PDE4D: variants seen among roughly 807,000 people sequenced by gnomAD.
PDE4D encodes the protein 3',5'-cyclic-AMP phosphodiesterase 4D.
In PDE4D, 24 loss-of-function variants were observed where a neutral mutation model predicts 87.4. The ratio of observed to expected loss-of-function variants is 0.27; its 90% CI spans 0.20 to 0.39. The LOEUF is 0.39. Among genes scored for constraint, PDE4D ranks in the 10% least tolerant of loss-of-function variants. PDE4D has a pLI of 1.00. For synonymous variants in PDE4D, 384 were observed against 383.2 expected, an observed-to-expected ratio of 1.00 and a Z score of -0.02; for missense variants, 714 against 1,041.0, an observed-to-expected ratio of 0.69 and a Z score of 4.32.
At chr5:59,204,241 C>T (rs898420305) in intron 2 of PDE4D, among the ~76,000 whole-genome samples, 2 of 150,356 alleles carry the variant, frequency 1.3e-5, no homozygotes, top group African/African-American at 4.9e-5. Context: ...ATTTTTGGCT[C>T]ATGTGTGCTC....
At chr5:59,923,291 T>C (rs1243560954) in intron 3 of PDE4D, among the ~76,000 whole-genome samples, 1 of 152,236 alleles carries the variant, frequency 6.6e-6, no homozygotes, top group African/African-American at 2.4e-5. Flanking sequence ...CTTGATGTCC[T>C]GAAGGGACAG....
intron 5 of PDE4D, among the ~76,000 whole-genome samples, chr5:59,168,296 T>C (rs1030290928): frequency 6.6e-6 from 1 of 152,174 alleles, no homozygotes; most frequent in Non-Finnish European, 1.5e-5. Flanking sequence ...TTTCAGGCCT[T>C]CGTGGTAAGT....
intron 1 of PDE4D, among the ~76,000 whole-genome samples, chr5:59,424,455 T>C (rs1428462253): frequency 6.6e-6 from 1 of 152,114 alleles, no homozygotes; most frequent in Non-Finnish European, 1.5e-5. Flanking sequence ...GTAATTTATA[T>C]AGAAAGGATG....
intron 1 of PDE4D, among the ~76,000 whole-genome samples, chr5:60,348,714 A>G (rs1454087397): frequency 2.0e-5 from 3 of 152,068 alleles, no homozygotes; most frequent in Non-Finnish European, 4.4e-5. Flanking sequence ...TACAAAAATT[A>G]TTTAAGGAAT....
chr5:59,469,679 G>C (rs958139852), intron 1 of PDE4D, among the ~76,000 whole-genome samples: 4 of 152,140 alleles, frequency 2.6e-5, no homozygotes, highest in Non-Finnish European at 4.4e-5. Context: ...CATAGGAAAT[G>C]ATTTCCCCAT....
intron 13 of PDE4D, 26 bp downstream of exon 13, chr5:58,976,324 C>G (rs753163326): frequency 9.9e-6 from 16 of 1,609,800 alleles, no homozygotes; most frequent in Non-Finnish European, 1.3e-5. Context: ...CACACACACA[C>G]AGAGCAAACT....
chr5:59,096,362 T>A (rs546491974), intron 5 of PDE4D, among the ~76,000 whole-genome samples: 1 of 152,296 alleles, frequency 6.6e-6, no homozygotes, highest in African/African-American at 2.4e-5. Flanking sequence ...AAGGAGAGGT[T>A]CTATTTCATC....
intron 1 of PDE4D, among the ~76,000 whole-genome samples, chr5:59,677,006 T>C (rs1580350258): frequency 6.6e-6 from 1 of 152,086 alleles, no homozygotes; most frequent in East Asian, 1.9e-4. Flanking sequence ...TAGCTTACAT[T>C]TTTTGAGTGA....
intron 3 of PDE4D, among the ~76,000 whole-genome samples, chr5:59,959,069 C>T (rs1281415766): frequency 6.6e-6 from 1 of 150,788 alleles, no homozygotes; most frequent in African/African-American, 2.4e-5. Context: ...AGACCTACAT[C>T]AAGAACACAA....
intron 1 of PDE4D, among the ~76,000 whole-genome samples, chr5:59,840,045 T>G (rs977351891): frequency 6.6e-6 from 1 of 151,968 alleles, no homozygotes; most frequent in African/African-American, 2.4e-5. Flanking sequence ...CTTCCAACAC[T>G]TTCCCCCTCT....
At chr5:60,404,351 T>C (rs1741356919) in intron 1 of PDE4D, among the ~76,000 whole-genome samples, 1 of 152,084 alleles carries the variant, frequency 6.6e-6, no homozygotes, top group Non-Finnish European at 1.5e-5. Context: ...ATGGGCTTTG[T>C]TAACCTGAAT....
intron 2 of PDE4D, among the ~76,000 whole-genome samples, chr5:60,089,524 C>A (rs980654525): frequency 6.6e-6 from 1 of 151,360 alleles, no homozygotes; most frequent in Non-Finnish European, 1.5e-5. Context: ...ATACAAAAAC[C>A]TAGAGGATAT....
At chr5:59,699,122 C>T (rs1752212900) in intron 1 of PDE4D, among the ~76,000 whole-genome samples, 1 of 152,088 alleles carries the variant, frequency 6.6e-6, no homozygotes, top group Non-Finnish European at 1.5e-5. Flanking sequence ...TCTACTGTTT[C>T]TCAATTGATC....
chr5:59,534,449 AG>A (rs1184980371), intron 1 of PDE4D, among the ~76,000 whole-genome samples: 5 of 152,218 alleles, frequency 3.3e-5, no homozygotes, highest in Admixed American at 1.3e-4. Context: ...GACAGCCTCA[AG>A]GATCTGGTGG....
chr5:59,249,470 G>C (rs1248645132), intron 1 of PDE4D, among the ~76,000 whole-genome samples: 1 of 152,064 alleles, frequency 6.6e-6, no homozygotes, highest in Non-Finnish European at 1.5e-5. Context: ...GAAATATTCA[G>C]AGATAAGCCA....
intron 6 of PDE4D, among the ~76,000 whole-genome samples, chr5:59,026,784 G>A (rs1327331721): frequency 6.6e-6 from 1 of 152,008 alleles, no homozygotes; most frequent in Non-Finnish European, 1.5e-5. Flanking sequence ...AGATGGCTTC[G>A]ATCTTTTAAA....
chr5:60,187,862 T>A (rs1271203281), intron 1 of PDE4D, among the ~76,000 whole-genome samples: 2 of 152,170 alleles, frequency 1.3e-5, no homozygotes, highest in African/African-American at 4.8e-5. Context: ...AGCTTTTAGG[T>A]ACATTATTTG....
At chr5:59,887,161 G>A (rs955112607) in intron 1 of PDE4D, among the ~76,000 whole-genome samples, 1 of 152,164 alleles carries the variant, frequency 6.6e-6, no homozygotes, top group Non-Finnish European at 1.5e-5. Context: ...TGGATGTGAT[G>A]CCCCACGTTG....
intron 5 of PDE4D, among the ~76,000 whole-genome samples, chr5:59,055,449 C>A (rs1249308680): frequency 3.9e-5 from 6 of 152,092 alleles, no homozygotes; most frequent in African/African-American, 1.4e-4. Flanking sequence ...ACTTGTCTGC[C>A]CCCATTATTC....
Sources: allele counts gnomAD v4.1 joint callset (sites outside exome capture counted in the v4.1 genomes callset), GRCh38; gene constraint gnomAD v4.1.1; transcripts MANE v1.5; gene names NCBI Gene and HGNC (gene_info 2026-07-23, HGNC 2026-07-21).